Variants in SNTG1 observed in about 807,000 individuals in gnomAD.
SNTG1 encodes gamma-1-syntrophin.
SNTG1 carries 39 observed loss-of-function variants against 74.7 expected under a neutral mutation model. The ratio of observed to expected loss-of-function variants is 0.52; its 90% confidence interval spans 0.40 to 0.68. The LOEUF (loss-of-function observed/expected upper bound fraction) is 0.68. SNTG1 is among the 30% of genes least tolerant of loss of function. The pLI is 0.00. For missense variants in SNTG1, 685 were observed against 609.5 expected (o/e 1.12, Z -1.30); for synonymous variants, 254 against 217.1 (o/e 1.17, Z -1.49).
intron 8 of SNTG1, among the ~76,000 whole-genome samples, chr8:50,484,128 C>CTTTCTT (rs746756094): frequency 2.6e-5 from 3 of 114,882 alleles, no homozygotes; most frequent in Non-Finnish European, 5.3e-5. Context: ...TTCTTTCTTT[C>CTTTCTT]TTTCTTTCCT....
At chr8:50,449,021 C>T (rs1209822962) in intron 5 of SNTG1, among the ~76,000 whole-genome samples, 5 of 151,842 alleles carry the variant, frequency 3.3e-5, no homozygotes, top group Admixed American at 6.6e-5. Context: ...GAGCGAGTCT[C>T]CTCCGTCTCA....
At chr8:49,986,547 T>G (rs942742975) in intron 1 of SNTG1, among the ~76,000 whole-genome samples, 1 of 152,016 alleles carries the variant, frequency 6.6e-6, no homozygotes, top group Admixed American at 6.6e-5. Flanking sequence ...ATAATAAACA[T>G]CTGAGTGGCC....
chr8:50,056,478 G>A (rs1376476112), intron 1 of SNTG1, among the ~76,000 whole-genome samples: 1 of 152,124 alleles, frequency 6.6e-6, no homozygotes, highest in East Asian at 1.9e-4. Flanking sequence ...TGTGGAGAAG[G>A]ATGAAGTCAG....
chr8:50,180,248 G>T (rs2083153359), intron 2 of SNTG1, among the ~76,000 whole-genome samples: 2 of 152,096 alleles, frequency 1.3e-5, no homozygotes, highest in African/African-American at 4.8e-5. Context: ...AACACAGAGT[G>T]CAATGGTAGT....
At chr8:50,016,774 A>G (rs1585908036) in intron 1 of SNTG1, among the ~76,000 whole-genome samples, 1 of 152,214 alleles carries the variant, frequency 6.6e-6, no homozygotes. Flanking sequence ...AAAGTGAGAA[A>G]TGTCCATTAA....
At chr8:50,416,085 G>T (rs1403453673) in intron 4 of SNTG1, among the ~76,000 whole-genome samples, 4 of 152,052 alleles carry the variant, frequency 2.6e-5, no homozygotes, top group African/African-American at 7.2e-5. Context: ...ATTTTAGATT[G>T]TATCTTTTCT....
In SNTG1 at chr8:50,430,385, C is replaced by T. The variant is rs539033832; in HGVS notation, c.163-8158C>T. ...TGTCCCCAACTAGTTTCCACAACCT[C>T]GTGAAATTTTTAGCCTCCTCATCTT... On this transcript the variant is annotated intron_variant, in intron 4 of 18. Transcript: ENST00000642720. 1.3e-4 allele frequency among the ~76,000 whole-genome samples: 20 copies of T among 152,192 alleles called. 1 individual carries two copies. The highest frequency in any genetic ancestry group is 1.0e-3 in the South Asian group (5 of 4,820).
At chr8:50,344,076 G>A (rs1199669995) in intron 2 of SNTG1, among the ~76,000 whole-genome samples, 1 of 152,034 alleles carries the variant, frequency 6.6e-6, no homozygotes, top group Non-Finnish European at 1.5e-5. Flanking sequence ...CAAGAACACT[G>A]CACCTTCAGC....
chr8:50,703,205 A>T (rs2095432041), intron 15 of SNTG1, among the ~76,000 whole-genome samples: 1 of 152,212 alleles, frequency 6.6e-6, no homozygotes, highest in African/African-American at 2.4e-5. Flanking sequence ...CCTTTTTTGT[A>T]GAAGTGCTTA....
At chr8:50,046,210 A>G (rs1819069450) in intron 1 of SNTG1, among the ~76,000 whole-genome samples, 1 of 152,200 alleles carries the variant, frequency 6.6e-6, no homozygotes, top group South Asian at 2.1e-4. Flanking sequence ...GCTACAGGCC[A>G]TAAGTAATAG....
chr8:50,751,667 A>T (rs1260645058), intron 17 of SNTG1, among the ~76,000 whole-genome samples: 1 of 152,058 alleles, frequency 6.6e-6, no homozygotes, highest in Non-Finnish European at 1.5e-5. Context: ...CAGAATGATC[A>T]ATTCAAAATC....
At chr8:50,413,991 T>A (rs1474059923) in intron 4 of SNTG1, among the ~76,000 whole-genome samples, 1 of 152,212 alleles carries the variant, frequency 6.6e-6, no homozygotes, top group Non-Finnish European at 1.5e-5. Flanking sequence ...AATATTAATC[T>A]TGTTAGACAA....
At chr8:50,081,157 AG>A (rs994796512) in intron 1 of SNTG1, among the ~76,000 whole-genome samples, 1 of 152,162 alleles carries the variant, frequency 6.6e-6, no homozygotes, top group African/African-American at 2.4e-5. Flanking sequence ...ACTTGAATTC[AG>A]GGCTGCTAGC....
chr8:50,201,707 A>C (rs555471856), intron 2 of SNTG1, among the ~76,000 whole-genome samples: 1 of 152,228 alleles, frequency 6.6e-6, no homozygotes, highest in Admixed American at 6.6e-5. Flanking sequence ...TCTTTTAGAC[A>C]ATCTCAGCAA....
intron 1 of SNTG1, among the ~76,000 whole-genome samples, chr8:50,133,590 C>A (rs891187471): frequency 6.6e-6 from 1 of 152,170 alleles, no homozygotes; most frequent in African/African-American, 2.4e-5. Flanking sequence ...CCCCCTCTGA[C>A]ATTCTGGGTA....
At chr8:50,056,270 A>G (rs1325958186) in intron 1 of SNTG1, among the ~76,000 whole-genome samples, 1 of 152,134 alleles carries the variant, frequency 6.6e-6, no homozygotes, top group Non-Finnish European at 1.5e-5. Flanking sequence ...AAATACCAGG[A>G]TCATCCATAA....
chr8:50,648,864 C>T (rs1380113215), intron 13 of SNTG1, among the ~76,000 whole-genome samples: 2 of 152,232 alleles, frequency 1.3e-5, no homozygotes, highest in East Asian at 3.9e-4. Context: ...TAACTGTTAT[C>T]CTGAAAGGCT....
chr8:50,342,869 C>T (rs1386548767), intron 2 of SNTG1, among the ~76,000 whole-genome samples: 4 of 152,122 alleles, frequency 2.6e-5, no homozygotes, highest in Non-Finnish European at 5.9e-5. Context: ...CTCATCTGGT[C>T]TAATTCCTTC....
intron 2 of SNTG1, among the ~76,000 whole-genome samples, chr8:50,389,129 A>G (rs2092618621): frequency 6.6e-6 from 1 of 152,196 alleles, no homozygotes; most frequent in Non-Finnish European, 1.5e-5. Flanking sequence ...CTGTAGAGAA[A>G]CTAGCATATG....
Sources: gnomAD v4.1 joint callset for allele counts (sites outside exome capture counted in the v4.1 genomes callset) on GRCh38, gnomAD v4.1.1 for gene constraint, MANE v1.5 for transcripts, NCBI Gene and HGNC (gene_info 2026-07-23, HGNC 2026-07-21) for gene names.